The following TMED5 variants were observed in gnomAD, a reference collection of about 807,000 sequenced individuals.
TMED5 encodes the protein transmembrane p24 trafficking protein 5, also known as transmembrane emp24 domain-containing protein 5.
In TMED5, 27 loss-of-function variants were observed where a neutral mutation model predicts 23.0. That is an observed-to-expected ratio of 1.17 (90% CI 0.86 to 1.62). TMED5 has a LOEUF of 1.62. Among genes scored for constraint, TMED5 ranks in the 40% most tolerant of loss-of-function variants. The probability of loss-of-function intolerance (pLI) is 0.00; values close to 1 mark genes in which losing one functional copy is unlikely to be tolerated. For synonymous variants in TMED5, 97 were observed against 100.8 expected (o/e 0.96, Z 0.23); for missense variants, 248 against 273.7 (o/e 0.91, Z 0.66).
At chr1:93,170,548 G>A (rs566252643) in intron 1 of TMED5, among the ~76,000 whole-genome samples, 24 of 152,160 alleles carry the variant, frequency 1.6e-4, no homozygotes, top group Admixed American at 2.0e-4. Context: ...AAGCCTCCCC[G>A]AAGAGCGCCA....
chr1:93,160,428 C>A (rs769147102), intron 1 of TMED5: 2 of 423,390 alleles, frequency 4.7e-6, no homozygotes, highest in Non-Finnish European at 8.5e-6. Flanking sequence ...TTACCCATTT[C>A]TCTCACCATC....
At chr1:93,164,514 G>T (rs1648413862) in intron 1 of TMED5, among the ~76,000 whole-genome samples, 2 of 152,062 alleles carry the variant, frequency 1.3e-5, no homozygotes, top group African/African-American at 4.8e-5. Context: ...GTCCGTCTTG[G>T]CCTCAAGTCA....
At chr1:93,174,543 T>C (rs1648841721) in intron 1 of TMED5, among the ~76,000 whole-genome samples, 1 of 152,192 alleles carries the variant, frequency 6.6e-6, no homozygotes, top group Admixed American at 6.5e-5. Flanking sequence ...GTAAACGTGT[T>C]AAAAACCACA....
rs1231687329 is a variant in TMED5, at chr1:93,156,375, CT to C, written c.395del (p.Gln132ArgfsTer20). On this transcript the variant is annotated frameshift_variant, in exon 3 of 4. Coordinates refer to ENST00000370282, the MANE Select transcript of TMED5 (RefSeq NM_016040.5). LOFTEE classifies it high-confidence loss of function. ...TCTTCCAATCTTCTTGTTCTTGTGC[CT>C]GTTCTCCCATATTATCCAGGATTAA... is the stretch of plus-strand genomic sequence containing the variant. Reference protein sequence around the residue: ...FELILDNMGEQAQEQEDWKKY... With the variant: ...FELILDNMGEXAQEQEDWKKY... 6.2e-7 allele frequency: 1 copy of C among 1,613,836 alleles called. No individual in the cohort carries two copies. The highest frequency in any genetic ancestry group is 1.7e-5 in the Admixed American group (1 of 59,998).
intron 1 of TMED5, among the ~76,000 whole-genome samples, chr1:93,170,954 T>A (rs1286714095): frequency 6.6e-6 from 1 of 152,102 alleles, no homozygotes. Flanking sequence ...GAAATGTGGG[T>A]GGGGCCAGAT....
intron 1 of TMED5, among the ~76,000 whole-genome samples, chr1:93,171,745 G>T (rs1450902054): frequency 6.6e-6 from 1 of 152,108 alleles, no homozygotes; most frequent in East Asian, 1.9e-4. Flanking sequence ...AACCAGAAAA[G>T]ACATTACAAG....
At chr1:93,167,042 G>C (rs1437919704) in intron 1 of TMED5, among the ~76,000 whole-genome samples, 2 of 152,068 alleles carry the variant, frequency 1.3e-5, no homozygotes, top group African/African-American at 4.8e-5. Context: ...GTATGTTCTT[G>C]GCACCTATGT....
chr1:93,179,055 T>A (rs1473639734), intron 1 of TMED5, among the ~76,000 whole-genome samples: 1 of 152,094 alleles, frequency 6.6e-6, no homozygotes, highest in Non-Finnish European at 1.5e-5. Context: ...AGCAAGAATA[T>A]TATGCAGATA....
chr1:93,168,995 T>A (rs751900411), intron 1 of TMED5, among the ~76,000 whole-genome samples: 3 of 152,168 alleles, frequency 2.0e-5, no homozygotes, highest in Non-Finnish European at 4.4e-5. Flanking sequence ...ATCATTACTA[T>A]AGCTGGAGAC....
chr1:93,168,132 T>A (rs1648572205), intron 1 of TMED5, among the ~76,000 whole-genome samples: 1 of 152,154 alleles, frequency 6.6e-6, no homozygotes, highest in Non-Finnish European at 1.5e-5. Flanking sequence ...ACAAAACTTT[T>A]AAAAAATAAG....
chr1:93,157,457 C>T (rs1214974582), intron 2 of TMED5, among the ~76,000 whole-genome samples: 2 of 152,120 alleles, frequency 1.3e-5, no homozygotes, highest in African/African-American at 2.4e-5. Context: ...GGGCCAGGTG[C>T]GGTGGCTCAT....
chr1:93,153,590 T>G lies in TMED5; in HGVS notation c.*1080A>C, dbSNP rs1373723838. On this transcript the variant is annotated 3_prime_UTR_variant, in exon 4 of 4. Transcript: ENST00000370282. ...AGGATGTCATGATGAGCCAGTCAGA[T>G]TCTAGATATTTATTTATAGTTCTAC... 6.6e-6 allele frequency: 1 copy of G among 152,154 alleles called. No homozygotes were observed. Among genetic ancestry groups the G allele is most frequent in the African/African-American group, 2.4e-5 (1 of 41,452 alleles). The allele number at this position is 152,154 out of a possible 1,614,324, so 9.4% of individuals were successfully genotyped here.
At chr1:93,158,214 C>G (rs1403967223) in intron 2 of TMED5, among the ~76,000 whole-genome samples, 1 of 151,818 alleles carries the variant, frequency 6.6e-6, no homozygotes, top group Non-Finnish European at 1.5e-5. Context: ...CTTTGCCGTT[C>G]ACTAGCTGTG....
chr1:93,179,823 G>A, intron 1 of TMED5: 1 of 507,052 alleles, frequency 2.0e-6, no homozygotes, highest in Non-Finnish European at 3.5e-6. Context: ...CCGGAGGAAA[G>A]GGGAGAAGGC....
chr1:93,155,279 T>G (rs1227046137), intron 3 of TMED5, among the ~76,000 whole-genome samples: 2 of 152,206 alleles, frequency 1.3e-5, no homozygotes, highest in Non-Finnish European at 2.9e-5. Context: ...CCAAACACAA[T>G]TTTAAGTTAG....
intron 1 of TMED5, among the ~76,000 whole-genome samples, chr1:93,166,632 T>C (rs1171846872): frequency 6.6e-6 from 1 of 152,208 alleles, no homozygotes; most frequent in East Asian, 1.9e-4. Flanking sequence ...CCTGTATAGT[T>C]GTTCGAGTTC....
At position 93,151,345 on chromosome 1, in the gene TMED5, C is replaced by CT. The variant is rs1647868618; in HGVS notation, c.*3324dup. The CT allele has an allele frequency of 6.6e-6, 1 of 152,172 alleles. No individual in the cohort carries two copies. The highest frequency in any genetic ancestry group is 1.5e-5 in the Non-Finnish European group (1 of 68,030). 9.4% of individuals were successfully genotyped at this position (152,172 alleles called of 1,614,324 possible). On this transcript the variant is annotated 3_prime_UTR_variant, in exon 4 of 4. Transcript: ENST00000370282. ...TAACCTACCTACACCAAGCATTGTA[C>CT]TTTTCCTATATGCTAACAAGTTTTA...
At position 93,150,263 on chromosome 1, in the gene TMED5, TC is replaced by T. The variant is rs527908662; in HGVS notation, c.*4406del. 4.6e-5 allele frequency: 7 copies of T among 152,322 alleles called. 1 individual carries two copies. In the South Asian group the frequency reaches 1.4e-3, roughly 32 times the overall value. 9.4% of individuals were successfully genotyped at this position (152,322 alleles called of 1,614,324 possible). ...TCCCCCCAAACCACCCAAGCATAATTCCCTTGAGGTCCATGCAATTTGTTAC... is the reference window on the plus strand; with the variant it reads ...TCCCCCCAAACCACCCAAGCATAATTCCTTGAGGTCCATGCAATTTGTTAC... On this transcript the variant is annotated 3_prime_UTR_variant, in exon 4 of 4. Coordinates refer to ENST00000370282, the MANE Select transcript of TMED5 (RefSeq NM_016040.5).
intron 1 of TMED5, among the ~76,000 whole-genome samples, chr1:93,176,003 G>C (rs527728826): frequency 3.3e-5 from 5 of 152,266 alleles, no homozygotes; most frequent in Non-Finnish European, 5.9e-5. Context: ...AACTGGTACA[G>C]AGAGGCTCAA....
Sources: allele counts gnomAD v4.1 joint callset (sites outside exome capture counted in the v4.1 genomes callset), GRCh38; gene constraint gnomAD v4.1.1; transcripts MANE v1.5; gene names NCBI Gene and HGNC (gene_info 2026-07-23, HGNC 2026-07-21).